ROBO1: variants seen among roughly 807,000 people sequenced by gnomAD.
ROBO1 encodes roundabout guidance receptor 1.
A neutral mutation model predicts 195.9 loss-of-function variants in ROBO1; 149 were observed. That is an observed-to-expected ratio of 0.76 (90% CI 0.67 to 0.87). ROBO1 has a LOEUF of 0.87. ROBO1 is among the 40% of genes least tolerant of loss of function. The pLI is 0.00. For synonymous variants in ROBO1, 816 were observed against 733.2 expected, an observed-to-expected ratio of 1.11 and a Z score of -1.82; for missense variants, 1,933 against 2,068.3, an observed-to-expected ratio of 0.93 and a Z score of 1.27.
chr3:79,520,268 C>T (rs1199660915), intron 2 of ROBO1, among the ~76,000 whole-genome samples: 1 of 151,922 alleles, frequency 6.6e-6, no homozygotes, highest in African/African-American at 2.4e-5. Context: ...GATCGGGTGT[C>T]AGGAAGTTAG....
chr3:79,659,058 T>C (rs547458962), intron 1 of ROBO1, among the ~76,000 whole-genome samples: 1 of 152,128 alleles, frequency 6.6e-6, no homozygotes, highest in East Asian at 1.9e-4. Context: ...TTTTAACATG[T>C]TCAATTAACG....
chr3:79,760,236 CA>C (rs11451206), intron 1 of ROBO1, among the ~76,000 whole-genome samples: 88 of 4,496 alleles, frequency 0.02, no homozygotes, highest in Admixed American at 0.034. Context: ...GACCCTATCT[CA>C]AAAAAAAAAA....
chr3:78,648,542 C>T (rs1347808698), intron 19 of ROBO1, among the ~76,000 whole-genome samples: 1 of 151,948 alleles, frequency 6.6e-6, no homozygotes, highest in Admixed American at 6.6e-5. Context: ...AGCAGCCATT[C>T]CTCCCCCACT....
intron 2 of ROBO1, among the ~76,000 whole-genome samples, chr3:79,525,351 A>T (rs998327816): frequency 3.3e-5 from 5 of 149,712 alleles, no homozygotes; most frequent in African/African-American, 1.2e-4. Flanking sequence ...AATTTTTAAA[A>T]CACTCATTGT....
At chr3:79,760,613 C>CAAA (rs55786186) in intron 1 of ROBO1, among the ~76,000 whole-genome samples, 2 of 144,014 alleles carry the variant, frequency 1.4e-5, no homozygotes, top group Admixed American at 1.4e-4. Context: ...CAATTCACAG[C>CAAA]AAAAAAAAAA....
At chr3:79,725,223 C>CTTTTTTTTTTT (rs35418345) in intron 1 of ROBO1, among the ~76,000 whole-genome samples, 1 of 106,508 alleles carries the variant, frequency 9.4e-6, no homozygotes, top group African/African-American at 3.6e-5. Flanking sequence ...CTCTCTTCTT[C>CTTTTTTTTTTT]TTTTTTTTTT....
At chr3:79,018,851 CGCGGCG>C in intron 3 of ROBO1, 6 of 1,003,300 alleles carry the variant, frequency 6.0e-6, no homozygotes, top group Non-Finnish European at 7.1e-6. Context: ...CGAGGGCAGG[CGCGGCG>C]GCGGCGGCAA....
chr3:79,557,504 G>A (rs943090194), intron 2 of ROBO1, among the ~76,000 whole-genome samples: 1 of 151,786 alleles, frequency 6.6e-6, no homozygotes, highest in Non-Finnish European at 1.5e-5. Flanking sequence ...GAGGCTGAGG[G>A]GGGTGGATCA....
intron 2 of ROBO1, among the ~76,000 whole-genome samples, chr3:79,349,827 G>T (rs889793948): frequency 7.2e-5 from 11 of 152,202 alleles, no homozygotes; most frequent in African/African-American, 2.6e-4. Context: ...TCAAATGTAA[G>T]AATGAAAACT....
At chr3:79,232,698 T>C (rs898320049) in intron 2 of ROBO1, among the ~76,000 whole-genome samples, 1 of 152,128 alleles carries the variant, frequency 6.6e-6, no homozygotes, top group Non-Finnish European at 1.5e-5. Flanking sequence ...TGGCATAATA[T>C]CTTCAAAGTT....
intron 1 of ROBO1, among the ~76,000 whole-genome samples, chr3:79,601,168 C>A (rs1944328035): frequency 6.6e-6 from 1 of 151,808 alleles, no homozygotes; most frequent in Non-Finnish European, 1.5e-5. Context: ...TTGACTGAAC[C>A]AAAAGGGTTC....
intron 1 of ROBO1, among the ~76,000 whole-genome samples, chr3:79,746,546 G>A (rs1703884522): frequency 6.6e-6 from 1 of 152,028 alleles, no homozygotes; most frequent in Non-Finnish European, 1.5e-5. Flanking sequence ...TATAACAACA[G>A]TTATGTTAGC....
intron 4 of ROBO1, among the ~76,000 whole-genome samples, chr3:78,857,381 G>C (rs948414952): frequency 9.2e-5 from 14 of 152,106 alleles, no homozygotes; most frequent in Non-Finnish European, 1.6e-4. Flanking sequence ...TTATGCTTTA[G>C]ACAATTAATC....
chr3:79,341,647 A>G (rs2034910966), intron 2 of ROBO1, among the ~76,000 whole-genome samples: 2 of 152,164 alleles, frequency 1.3e-5, no homozygotes, highest in South Asian at 2.1e-4. Flanking sequence ...CCTGGCTTCT[A>G]CTGATTTTTT....
At chr3:79,186,812 A>G (rs2081447947) in intron 2 of ROBO1, among the ~76,000 whole-genome samples, 1 of 152,112 alleles carries the variant, frequency 6.6e-6, no homozygotes, top group African/African-American at 2.4e-5. Context: ...CAACTGTAAA[A>G]TAAACTACCC....
chr3:78,818,846 A>G (rs2030491714), intron 4 of ROBO1, among the ~76,000 whole-genome samples: 1 of 152,190 alleles, frequency 6.6e-6, no homozygotes, highest in Admixed American at 6.5e-5. Flanking sequence ...AGTTACTTGC[A>G]GTCAACCCCG....
At chr3:78,762,623 TAGAGAAAC>T (rs2083133967) in intron 4 of ROBO1, among the ~76,000 whole-genome samples, 1 of 152,132 alleles carries the variant, frequency 6.6e-6, no homozygotes, top group Non-Finnish European at 1.5e-5. Flanking sequence ...GTCAGAACTA[TAGAGAAAC>T]TTTACTTGAT....
intron 2 of ROBO1, among the ~76,000 whole-genome samples, chr3:79,534,078 T>C (rs1031977946): frequency 7.3e-6 from 1 of 137,882 alleles, no homozygotes; most frequent in Non-Finnish European, 1.5e-5. Flanking sequence ...AAGACTCTAA[T>C]AGGTATTGTT....
chr3:78,742,003 T>C (rs2082544030), intron 5 of ROBO1, among the ~76,000 whole-genome samples: 1 of 152,074 alleles, frequency 6.6e-6, no homozygotes, highest in South Asian at 2.1e-4. Flanking sequence ...TGGCTCAGAA[T>C]CCAGGTCAAT....
Sources: allele counts gnomAD v4.1 joint callset (sites outside exome capture counted in the v4.1 genomes callset), GRCh38; gene constraint gnomAD v4.1.1; transcripts MANE v1.5; gene names NCBI Gene and HGNC (gene_info 2026-07-23, HGNC 2026-07-21).